The following KIF6 variants were observed in gnomAD, a reference collection of about 807,000 sequenced individuals.
The protein encoded by KIF6 is kinesin family member 6.
A neutral mutation model predicts 112.7 loss-of-function variants in KIF6; 106 were observed. The observed-to-expected ratio is 0.94, with a 90% CI of 0.80 to 1.11. KIF6 has a LOEUF of 1.11. Ranked by LOEUF, KIF6 falls within the 50% of genes least tolerant of loss-of-function variation. The pLI, the probability that KIF6 is intolerant of heterozygous loss-of-function variation, is 0.00. For synonymous variants in KIF6, 339 were observed against 339.9 expected (o/e 1.00, Z 0.03); for missense variants, 929 against 964.0 (o/e 0.96, Z 0.48).
In KIF6 at chr6:39,360,538, G is replaced by A. The variant is rs752729007; in HGVS notation, c.1947-8C>T. 3.3e-5 allele frequency: 53 copies of A among 1,614,194 alleles called. 1 individual carries two copies. In the South Asian group the frequency reaches 3.5e-4, roughly 11 times the overall value. ...GTGAACATTGTTTTATACCTGCGGT[G>A]GAATCGGGGAAGAGTCAGGGCACTG... On this transcript the variant is annotated splice_region_variant and splice_polypyrimidine_tract_variant and intron_variant, in intron 17 of 22. Coordinates refer to ENST00000287152, the MANE Select transcript of KIF6 (RefSeq NM_145027.6).
intron 13 of KIF6, among the ~76,000 whole-genome samples, chr6:39,503,909 C>T (rs1421030825): frequency 1.3e-5 from 2 of 150,102 alleles, no homozygotes; most frequent in African/African-American, 4.9e-5. Flanking sequence ...AGATTCATAA[C>T]TGAATTCTCC....
At chr6:39,556,100 G>A (rs1334319613) in intron 10 of KIF6, among the ~76,000 whole-genome samples, 1 of 151,886 alleles carries the variant, frequency 6.6e-6, no homozygotes. Flanking sequence ...TAAAAAACAA[G>A]AGAGAAGAAA....
At chr6:39,696,274 T>C (rs1788532270) in intron 3 of KIF6, among the ~76,000 whole-genome samples, 1 of 152,194 alleles carries the variant, frequency 6.6e-6, no homozygotes, top group Non-Finnish European at 1.5e-5. Flanking sequence ...CACCCGCACA[T>C]GTACCCCTGA....
intron 13 of KIF6, among the ~76,000 whole-genome samples, chr6:39,480,004 A>G (rs1459926864): frequency 6.6e-6 from 1 of 152,158 alleles, no homozygotes; most frequent in East Asian, 1.9e-4. Flanking sequence ...AAACACCTAT[A>G]GTTTCACTTC....
intron 17 of KIF6, 57 bp from the exon 18 acceptor site, chr6:39,360,587 T>C: frequency 1.1e-5 from 17 of 1,604,016 alleles, no homozygotes; most frequent in Non-Finnish European, 1.4e-5. Context: ...ACGGCATGGA[T>C]GCAGGGCTGT....
chr6:39,605,919 G>T (rs540874531), intron 6 of KIF6, among the ~76,000 whole-genome samples: 28 of 152,000 alleles, frequency 1.8e-4, no homozygotes, highest in African/African-American at 6.8e-4. Context: ...TTTCAGTTAC[G>T]TCCTTTTCAT....
chr6:39,475,785 T>C (rs552603663), intron 13 of KIF6, among the ~76,000 whole-genome samples: 133 of 152,310 alleles, frequency 8.7e-4, no homozygotes, highest in African/African-American at 3.0e-3. Flanking sequence ...TACACTTCTT[T>C]TGAGGTAGGC....
At chr6:39,539,729 G>A (rs1174133032) in intron 13 of KIF6, among the ~76,000 whole-genome samples, 2 of 152,114 alleles carry the variant, frequency 1.3e-5, no homozygotes, top group Admixed American at 1.3e-4. Context: ...AGCAATATCT[G>A]ATCTTATTTG....
intron 8 of KIF6, 78 bp downstream of exon 8, chr6:39,586,183 C>G: frequency 6.7e-7 from 1 of 1,503,314 alleles, no homozygotes; most frequent in Non-Finnish European, 9.2e-7. Context: ...TAGAAACCCA[C>G]CCAAGAGCCT....
At chr6:39,541,449 C>T (rs1367661866) in intron 12 of KIF6, among the ~76,000 whole-genome samples, 1 of 152,210 alleles carries the variant, frequency 6.6e-6, no homozygotes, top group East Asian at 1.9e-4. Context: ...GAACTGATTA[C>T]CAATGTCATC....
At chr6:39,341,121 A>G (rs1763304228) in intron 22 of KIF6, among the ~76,000 whole-genome samples, 1 of 152,130 alleles carries the variant, frequency 6.6e-6, no homozygotes, top group South Asian at 2.1e-4. Flanking sequence ...GCTCCAGCCC[A>G]GTTCTCTGCT....
intron 22 of KIF6, among the ~76,000 whole-genome samples, chr6:39,339,427 C>T (rs1763202830): frequency 6.6e-6 from 1 of 152,168 alleles, no homozygotes; most frequent in East Asian, 1.9e-4. Context: ...CAGCTCGGGG[C>T]TCTTTCTCTT....
At chr6:39,633,258 A>G (rs72852145) in intron 5 of KIF6, among the ~76,000 whole-genome samples, 11,056 of 152,204 alleles carry the variant, frequency 0.073, 543 homozygotes, top group South Asian at 0.17. Flanking sequence ...ATCTGAATCT[A>G]ATCGACATGG....
intron 15 of KIF6, among the ~76,000 whole-genome samples, chr6:39,388,916 T>C (rs1021269437): frequency 1.3e-5 from 2 of 152,224 alleles, no homozygotes; most frequent in Non-Finnish European, 2.9e-5. Flanking sequence ...AGGAATGCTC[T>C]GCCTGCAGGA....
At chr6:39,565,669 A>ACAAAGCAAAT (rs1435470323) in intron 10 of KIF6, among the ~76,000 whole-genome samples, 1 of 152,228 alleles carries the variant, frequency 6.6e-6, no homozygotes, top group Non-Finnish European at 1.5e-5. Context: ...ACAAAGCAAA[A>ACAAAGCAAAT]CAAAACAGGT....
intron 13 of KIF6, among the ~76,000 whole-genome samples, chr6:39,452,721 G>A (rs763964670): frequency 2.0e-5 from 3 of 152,188 alleles, no homozygotes; most frequent in Admixed American, 1.3e-4. Context: ...AGAGCAAACT[G>A]CAACTATGAT....
At chr6:39,717,128 A>T (rs895135430) in intron 2 of KIF6, among the ~76,000 whole-genome samples, 3 of 152,192 alleles carry the variant, frequency 2.0e-5, no homozygotes, top group African/African-American at 7.2e-5. Context: ...CTGCTAAAAC[A>T]TAAGTGAGAT....
At position 39,673,072 on chromosome 6, in the gene KIF6, T is replaced by G. The variant is rs1481535200; in HGVS notation, c.252-33315A>C. On this transcript the variant is annotated intron_variant, in intron 3 of 22. Coordinates refer to ENST00000287152, the MANE Select transcript of KIF6 (RefSeq NM_145027.6). ...CATTCTGATGAGGACCCTGTTGCTATCACTGGCTGTCAGCCGCTGCTGCCT... is the reference window on the plus strand; with the variant it reads ...CATTCTGATGAGGACCCTGTTGCTAGCACTGGCTGTCAGCCGCTGCTGCCT... Among the ~76,000 whole-genome samples, 3 of 152,306 alleles carry G rather than the reference T, an allele frequency of 2.0e-5. No homozygotes were observed. In the East Asian group the frequency reaches 5.8e-4, roughly 29 times the overall value.
At chr6:39,509,295 A>G (rs1776629621) in intron 13 of KIF6, among the ~76,000 whole-genome samples, 1 of 152,248 alleles carries the variant, frequency 6.6e-6, no homozygotes, top group African/African-American at 2.4e-5. Context: ...GAAAGGCTGA[A>G]AATTCCAAAA....
Sources: gnomAD v4.1 joint callset for allele counts (sites outside exome capture counted in the v4.1 genomes callset) on GRCh38, gnomAD v4.1.1 for gene constraint, MANE v1.5 for transcripts, NCBI Gene and HGNC (gene_info 2026-07-23, HGNC 2026-07-21) for gene names.